Variants in CRPPA observed in about 807,000 individuals in gnomAD.
CRPPA encodes the protein CDP-L-ribitol pyrophosphorylase A.
CRPPA carries 43 observed loss-of-function variants against 52.0 expected under a neutral mutation model. The ratio of observed to expected loss-of-function variants is 0.83; its 90% CI spans 0.65 to 1.07. The LOEUF (loss-of-function observed/expected upper bound fraction) is 1.07. CRPPA is among the 50% of genes least tolerant of loss of function. The pLI, the probability that CRPPA is intolerant of heterozygous loss-of-function variation, is 0.00. For missense variants in CRPPA, 629 were observed against 551.7 expected (o/e 1.14, Z -1.40); for synonymous variants, 250 against 203.5 (o/e 1.23, Z -1.94).
chr7:16,244,243 C>G (rs1460934854), intron 8 of CRPPA, among the ~76,000 whole-genome samples: 4 of 151,970 alleles, frequency 2.6e-5, no homozygotes, highest in Non-Finnish European at 5.9e-5. Flanking sequence ...AAAAATTTCC[C>G]ACGTTAAATA....
intron 9 of CRPPA, among the ~76,000 whole-genome samples, chr7:16,205,794 GA>G (rs5882561): frequency 4.4e-4 from 61 of 139,958 alleles, no homozygotes; most frequent in African/African-American, 8.3e-4. Context: ...AACTATAAAA[GA>G]AAAAAAAAAA....
intron 9 of CRPPA, among the ~76,000 whole-genome samples, chr7:16,181,686 A>G (rs1781415378): frequency 6.6e-6 from 1 of 152,052 alleles, no homozygotes; most frequent in Admixed American, 6.6e-5. Context: ...AACTTAAAAA[A>G]CAGCATAAAT....
chr7:16,319,400 A>G (rs1026549502), intron 3 of CRPPA, among the ~76,000 whole-genome samples: 1 of 151,942 alleles, frequency 6.6e-6, no homozygotes, highest in Non-Finnish European at 1.5e-5. Context: ...TCCCTACATC[A>G]CCGTCTTGGA....
chr7:16,248,153 A>C (rs898407792), intron 8 of CRPPA: 4 of 152,130 alleles, frequency 2.6e-5, no homozygotes, highest in African/African-American at 9.7e-5. Context: ...TGAGCAACAA[A>C]GTGAGACCCC....
At chr7:16,315,551 G>C (rs1178099416) in intron 3 of CRPPA, among the ~76,000 whole-genome samples, 2 of 152,144 alleles carry the variant, frequency 1.3e-5, no homozygotes, top group Non-Finnish European at 2.9e-5. Context: ...AAGGACAATA[G>C]TTTAGGCCTT....
chr7:16,097,257 G>C (rs903763113), intron 9 of CRPPA, among the ~76,000 whole-genome samples: 5 of 152,040 alleles, frequency 3.3e-5, no homozygotes, highest in Non-Finnish European at 5.9e-5. Flanking sequence ...CAAAAAAAGT[G>C]TACTTAATTT....
At chr7:16,161,059 T>G (rs939123645) in intron 9 of CRPPA, among the ~76,000 whole-genome samples, 1 of 152,194 alleles carries the variant, frequency 6.6e-6, no homozygotes, top group African/African-American at 2.4e-5. Context: ...AAGGAGTTTT[T>G]GGGCTGAGAT....
At chr7:16,173,665 G>C (rs1337047805) in intron 9 of CRPPA, among the ~76,000 whole-genome samples, 2 of 152,106 alleles carry the variant, frequency 1.3e-5, no homozygotes, top group Non-Finnish European at 2.9e-5. Context: ...GATAAAATGA[G>C]AGAGCACTCA....
intron 3 of CRPPA, among the ~76,000 whole-genome samples, chr7:16,321,352 A>G (rs999551033): frequency 2.6e-5 from 4 of 152,178 alleles, no homozygotes; most frequent in African/African-American, 9.6e-5. Flanking sequence ...ACAAAAGAAG[A>G]AATTAAAATA....
chr7:16,341,087 T>C lies in CRPPA; in HGVS notation c.685-32460A>G, dbSNP rs182643763. The stretch of plus-strand genomic sequence containing the variant: ...TAAAATCATCAGGGGTTGTTAGATG[T>C]TGGGGGAGAGGGAAGGTAAATACAG... On this transcript the variant is annotated intron_variant, in intron 3 of 9. Coordinates refer to ENST00000407010, the MANE Select transcript of CRPPA (RefSeq NM_001101426.4). Among the ~76,000 whole-genome samples, 100 of 152,130 alleles carry C rather than the reference T, an allele frequency of 6.6e-4. 1 individual carries two copies. The highest frequency in any genetic ancestry group is 2.3e-3 in the African/African-American group (96 of 41,506).
At chr7:16,125,482 C>A (rs1391660550) in intron 9 of CRPPA, among the ~76,000 whole-genome samples, 2 of 151,892 alleles carry the variant, frequency 1.3e-5, no homozygotes, top group Non-Finnish European at 2.9e-5. Context: ...AGTTTAGAAG[C>A]TGACTAAAAA....
At chr7:16,172,699 T>G (rs191877785) in intron 9 of CRPPA, among the ~76,000 whole-genome samples, 2 of 152,180 alleles carry the variant, frequency 1.3e-5, no homozygotes, top group Non-Finnish European at 2.9e-5. Flanking sequence ...AGTTCTAGAA[T>G]AGGCATGTAG....
In CRPPA at chr7:16,421,280, C is replaced by T. The variant is rs1314652586; in HGVS notation, c.43G>A (p.Gly15Ser). Residue 15 changes from glycine to serine, a missense_variant, in exon 1 of 10, where the codon GGT (glycine) becomes AGT (serine). Coordinates refer to ENST00000407010, the MANE Select transcript of CRPPA (RefSeq NM_001101426.4). ...CCGCGCTGACCACTCAGGCAAGGAC[C>T]CGGCTCCGCCGGCCTGGCGCTGCCC... is the stretch of plus-strand genomic sequence containing the variant. Reference protein sequence around the residue: ...PPGSARPAEPGPCLSGQRGAD... With the variant: ...PPGSARPAEPSPCLSGQRGAD... The T allele has an allele frequency of 1.6e-6, 2 of 1,278,992 alleles. No individual in the cohort carries two copies. The highest frequency in any genetic ancestry group is 3.1e-5 in the African/African-American group (2 of 64,440). 79.2% of individuals were successfully genotyped at this position (1,278,992 alleles called of 1,614,324 possible). A position where few individuals can be genotyped will look rare whatever the true frequency, so the allele number is the denominator to read the frequency against.
At chr7:16,120,789 GAGAT>G (rs1782466060) in intron 9 of CRPPA, among the ~76,000 whole-genome samples, 1 of 152,048 alleles carries the variant, frequency 6.6e-6, no homozygotes, top group East Asian at 1.9e-4. Flanking sequence ...TGGTTATAAA[GAGAT>G]AGACAATTGT....
At chr7:16,405,608 G>C (rs1787934111) in intron 2 of CRPPA, among the ~76,000 whole-genome samples, 1 of 152,044 alleles carries the variant, frequency 6.6e-6, no homozygotes, top group Non-Finnish European at 1.5e-5. Flanking sequence ...GAAGCAAATG[G>C]AAACAATTGT....
At chr7:16,161,297 T>C (rs2128382010) in intron 9 of CRPPA, among the ~76,000 whole-genome samples, 1 of 152,330 alleles carries the variant, frequency 6.6e-6, no homozygotes, top group East Asian at 1.9e-4. Flanking sequence ...TTTTGCCCAT[T>C]CAGTATGATA....
At chr7:16,331,909 G>A (rs1785560645) in intron 3 of CRPPA, among the ~76,000 whole-genome samples, 1 of 152,098 alleles carries the variant, frequency 6.6e-6, no homozygotes, top group South Asian at 2.1e-4. Flanking sequence ...AAAATTAACT[G>A]AAGAAATATT....
chr7:16,185,950 T>C (rs970205082), intron 9 of CRPPA, among the ~76,000 whole-genome samples: 10 of 152,334 alleles, frequency 6.6e-5, no homozygotes, highest in Admixed American at 2.0e-4. Context: ...TGACTGTACA[T>C]ATTCACACAT....
At chr7:16,417,576 G>A (rs1788223920) in intron 1 of CRPPA, among the ~76,000 whole-genome samples, 1 of 152,180 alleles carries the variant, frequency 6.6e-6, no homozygotes, top group African/African-American at 2.4e-5. Context: ...CTAAGACGGA[G>A]CTAAACAATG....
Sources: gnomAD v4.1 joint callset for allele counts (sites outside exome capture counted in the v4.1 genomes callset) on GRCh38, gnomAD v4.1.1 for gene constraint, MANE v1.5 for transcripts, NCBI Gene and HGNC (gene_info 2026-07-23, HGNC 2026-07-21) for gene names.